OGFOD2: variants seen among roughly 807,000 people sequenced by gnomAD.
OGFOD2 encodes 2-oxoglutarate and iron dependent oxygenase domain containing 2, also known as 2-oxoglutarate and iron-dependent oxygenase domain-containing protein 2.
A neutral mutation model predicts 31.1 loss-of-function variants in OGFOD2; 34 were observed. The observed-to-expected ratio is 1.09, with a 90% CI of 0.83 to 1.45. OGFOD2 has a LOEUF of 1.45. Among genes scored for constraint, OGFOD2 ranks in the 40% most tolerant of loss-of-function variants. The pLI is 0.00. For synonymous variants in OGFOD2, 240 were observed against 192.3 expected, an observed-to-expected ratio of 1.25 and a Z score of -2.05; for missense variants, 537 against 433.9, an observed-to-expected ratio of 1.24 and a Z score of -2.11.
chr12:122,979,048 T>C (rs2135960137), intron 6 of OGFOD2, 35 bp from the exon 7 acceptor site: 1 of 1,604,638 alleles, frequency 6.2e-7, no homozygotes, highest in African/African-American at 1.3e-5. Flanking sequence ...CTGGGGCAGC[T>C]GTGAGTGCCC....
In OGFOD2 at chr12:122,979,197, AACCTTGTC is replaced by A. The variant is rs2037538799; in HGVS notation, c.905_912del (p.Asn302SerfsTer19). The A allele has an allele frequency of 1.1e-5, 18 of 1,612,146 alleles. No homozygotes were observed. Among genetic ancestry groups the A allele is most frequent in the Non-Finnish European group, 1.4e-5 (17 of 1,179,892 alleles). On this transcript the variant is annotated frameshift_variant, in exon 7 of 7. Transcript: ENST00000228922. LOFTEE classifies it high-confidence loss of function. ...GCCCTTGGGCACTGGTGAGCGTTGG[AACCTTGTC>A]GTCTGGCTCCGAGCCTCTGCTGTGC...
intron 2 of OGFOD2, 130 bp from the exon 3 acceptor site, chr12:122,976,524 C>G: frequency 1.5e-6 from 2 of 1,326,074 alleles, no homozygotes; most frequent in Non-Finnish European, 2.2e-6. Context: ...CAGATAGATT[C>G]AGGAGTGTAG....
Position 122,979,016 on chromosome 12 carries a change from T to C in OGFOD2, c.789+6T>C, listed in dbSNP as rs1365909300. 1.9e-6 allele frequency: 3 copies of C among 1,611,004 alleles called. No individual in the cohort carries two copies. Among genetic ancestry groups the C allele is most frequent in the Non-Finnish European group, 2.5e-6 (3 of 1,178,410 alleles). ...ATTTTGGGGGCCTCTTCCAGGTGAG[T>C]GTGTGACCCATGCGGCAGGGCCTGG... On this transcript the variant is annotated splice_donor_region_variant and intron_variant, in intron 6 of 6. Coordinates refer to ENST00000228922, the Ensembl canonical transcript of OGFOD2.
chr12:122,976,514 CAGAT>C, intron 2 of OGFOD2, 136 bp from the exon 3 acceptor site: 1 of 1,340,262 alleles, frequency 7.5e-7, no homozygotes, highest in East Asian at 2.4e-5. Flanking sequence ...GCAGTTGACC[CAGAT>C]AGATTCAGGA....
exon 3 of OGFOD2, chr12:122,976,741 C>T (rs773698682): frequency 3.7e-6 from 6 of 1,613,852 alleles, no homozygotes; most frequent in South Asian, 1.1e-5. Flanking sequence ...CCACCCGGCA[C>T]GGCCTGAGGT....
At chr12:122,978,831 C>G (rs763913943) in exon 6 of OGFOD2, 5 of 1,612,832 alleles carry the variant, frequency 3.1e-6, no homozygotes, top group Non-Finnish European at 4.2e-6. Context: ...GCTGATGGCC[C>G]TGCTGTACCC....
At chr12:122,979,373 G>A (rs369470455) in exon 7 of OGFOD2, 2 of 1,573,894 alleles carry the variant, frequency 1.3e-6, no homozygotes, top group Non-Finnish European at 1.7e-6. Flanking sequence ...TGTGGGGGTG[G>A]CAGGCAGGTG....
exon 5 of OGFOD2, chr12:122,978,494 C>T (rs749038373): frequency 3.7e-6 from 6 of 1,613,508 alleles, no homozygotes; most frequent in Non-Finnish European, 5.1e-6. Flanking sequence ...TCTGCCAGGC[C>T]CTGCTGGAAG....
chr12:122,977,098 GGT>G, intron 4 of OGFOD2, 128 bp downstream of exon 4: 1 of 851,260 alleles, frequency 1.2e-6, no homozygotes, highest in Non-Finnish European at 1.9e-6. Context: ...GAGCTGGAAG[GGT>G]CAGTGGGACC....
exon 6 of OGFOD2, chr12:122,978,917 G>T: frequency 6.2e-7 from 1 of 1,613,122 alleles, no homozygotes; most frequent in Non-Finnish European, 8.5e-7. Flanking sequence ...ACCTGGAGCT[G>T]GGCTGCCACT....
chr12:122,976,294 C>T (rs774270965), intron 2 of OGFOD2: 22 of 1,354,806 alleles, frequency 1.6e-5, no homozygotes, highest in Non-Finnish European at 2.2e-5. Flanking sequence ...CTCCTCCTTC[C>T]CCTGGAGTCA....
intron 4 of OGFOD2, chr12:122,977,577 C>G (rs777243866): frequency 1.6e-5 from 3 of 185,162 alleles, no homozygotes; most frequent in African/African-American, 2.4e-5. Context: ...GCAACAGTAA[C>G]CCCCTCTCTT....
chr12:122,976,976 G>A lies in OGFOD2; in HGVS notation c.403+6G>A. On this transcript the variant is annotated splice_donor_region_variant and intron_variant, in intron 4 of 6. Coordinates refer to ENST00000228922, the Ensembl canonical transcript of OGFOD2. ...GCGGCTGGAGACAGTATCGGGTGAG[G>A]TCCTGGCCCTGAGACCTGGCAGGAC... is the stretch of plus-strand genomic sequence containing the variant. The A allele has an allele frequency of 6.2e-7, 1 of 1,612,616 alleles. No individual in the cohort carries two copies. Among genetic ancestry groups the A allele is most frequent in the Admixed American group, 1.7e-5 (1 of 60,004 alleles).
At position 122,975,813 on chromosome 12, in the gene OGFOD2, C is replaced by A. The variant is rs796406362; in HGVS notation, c.135C>A (p.Ile45=). 4 of 702,922 alleles carry A rather than the reference C, an allele frequency of 5.7e-6. No homozygotes were observed. In the African/African-American group the frequency reaches 7.0e-5, roughly 12 times the overall value. 43.5% of individuals were successfully genotyped at this position (702,922 alleles called of 1,614,324 possible). A position where few individuals can be genotyped will look rare whatever the true frequency, so the allele number is the denominator to read the frequency against. ...CTCAGTGTTCTTTCTGCTCCCAGAT[C>A]CTGCGCAGCCGAGGCTGTGTTAGCG... is the stretch of plus-strand genomic sequence containing the variant. Residue 45 remains isoleucine, a splice_region_variant and synonymous_variant, in exon 2 of 7, where the codon ATC becomes ATA. Transcript: ENST00000228922.
intron 4 of OGFOD2, chr12:122,978,133 G>A (rs1190350897): frequency 4.0e-5 from 10 of 251,790 alleles, no homozygotes; most frequent in Admixed American, 2.3e-4. Context: ...TCCCGACTTG[G>A]CTGTCACTGG....
exon 3 of OGFOD2, chr12:122,976,727 C>T: frequency 6.2e-7 from 1 of 1,613,864 alleles, no homozygotes; most frequent in African/African-American, 1.3e-5. Flanking sequence ...ATCGCGAGTT[C>T]CTACCACCCG....
intron 5 of OGFOD2, 87 bp downstream of exon 5, chr12:122,978,656 G>T: frequency 6.3e-7 from 1 of 1,587,896 alleles, no homozygotes; most frequent in South Asian, 1.1e-5. Context: ...CTGCCTGCCC[G>T]GGCTGCGAAA....
chr12:122,978,024 G>A (rs889521946), intron 4 of OGFOD2: 2 of 162,360 alleles, frequency 1.2e-5, no homozygotes, highest in Admixed American at 5.8e-5. Flanking sequence ...TCCTGCTGGG[G>A]GACAGAGGCT....
At chr12:122,976,286 C>T (rs1256647716) in intron 2 of OGFOD2, 2 of 1,298,220 alleles carry the variant, frequency 1.5e-6, no homozygotes, top group South Asian at 1.2e-5. Flanking sequence ...ACTCCCTCCT[C>T]CTCCTTCCCC....
Sources: gnomAD v4.1 joint callset for allele counts on GRCh38, gnomAD v4.1.1 for gene constraint, MANE v1.5 for transcripts, NCBI Gene and HGNC (gene_info 2026-07-23, HGNC 2026-07-21) for gene names.